The following TTLL5 variants were observed in gnomAD, a reference collection of about 807,000 sequenced individuals.
TTLL5 encodes tubulin tyrosine ligase like 5.
Under a neutral mutation model 168.4 loss-of-function variants are expected in TTLL5, and 132 were observed. The ratio of observed to expected loss-of-function variants is 0.78; its 90% CI spans 0.68 to 0.91. TTLL5 has a LOEUF of 0.91. Among genes scored for constraint, TTLL5 ranks in the 40% least tolerant of loss-of-function variants. The pLI is 0.00. For missense variants in TTLL5, 1,545 were observed against 1,581.5 expected, an observed-to-expected ratio of 0.98 and a Z score of 0.39; for synonymous variants, 546 against 558.6, an observed-to-expected ratio of 0.98 and a Z score of 0.32.
intron 12 of TTLL5, among the ~76,000 whole-genome samples, chr14:75,723,366 A>G (rs1247129091): frequency 6.6e-6 from 1 of 152,108 alleles, no homozygotes; most frequent in African/African-American, 2.4e-5. Context: ...TTCCCAATGG[A>G]TCTGGTTTGG....
chr14:75,732,473 C>A, intron 13 of TTLL5, 54 bp downstream of exon 13: 1 of 1,442,832 alleles, frequency 6.9e-7, no homozygotes, highest in Admixed American at 2.0e-5. Context: ...GTACTTAAAG[C>A]ACTTTTTTTT....
intron 27 of TTLL5, among the ~76,000 whole-genome samples, chr14:75,815,666 T>G (rs933480890): frequency 1.2e-4 from 19 of 152,232 alleles, no homozygotes; most frequent in African/African-American, 4.1e-4. Flanking sequence ...TAATCACTGT[T>G]TTAAGAATTT....
At position 75,882,597 on chromosome 14, in the gene TTLL5, C is replaced by A; in HGVS notation, c.3523-88C>A. On this transcript the variant is annotated intron_variant, in intron 29 of 31. Coordinates refer to ENST00000298832, the MANE Select transcript of TTLL5 (RefSeq NM_015072.5). ...TAACAGTTGTCCTTTTCTTTTTGCC[C>A]CTTGACAGGATTACAGACTAGTTAC... 5 of 1,217,108 alleles carry A rather than the reference C, an allele frequency of 4.1e-6. No individual in the cohort carries two copies. In the South Asian group the frequency reaches 4.7e-5, roughly 11 times the overall value. 75.4% of individuals were successfully genotyped at this position (1,217,108 alleles called of 1,614,324 possible). A position where few individuals can be genotyped will look rare whatever the true frequency, so the allele number is the denominator to read the frequency against.
At chr14:75,731,824 A>G (rs2359865) in intron 12 of TTLL5, among the ~76,000 whole-genome samples, 118,592 of 152,076 alleles carry the variant, frequency 0.78, 46,512 homozygotes, top group Admixed American at 0.81. Context: ...TCTTGACCTA[A>G]GTTGCAAAAG....
intron 31 of TTLL5, among the ~76,000 whole-genome samples, 172 bp from the exon 32 acceptor site, chr14:75,954,252 C>CAAAA (rs56396876): frequency 4.0e-5 from 3 of 74,512 alleles, no homozygotes; most frequent in Non-Finnish European, 7.7e-5. Context: ...GACTCCATCT[C>CAAAA]AAAAAAAAAA....
intron 9 of TTLL5, chr14:75,709,313 G>GT (rs1470799618): frequency 8.7e-6 from 6 of 690,898 alleles, no homozygotes; most frequent in Non-Finnish European, 1.6e-5. Flanking sequence ...TAGAGACTTA[G>GT]TTTTTTTCAC....
At chr14:75,939,259 A>G (rs946703531) in intron 31 of TTLL5, among the ~76,000 whole-genome samples, 2 of 152,344 alleles carry the variant, frequency 1.3e-5, no homozygotes, top group Admixed American at 1.3e-4. Flanking sequence ...GTATTATGGG[A>G]ATTTTATTTA....
chr14:75,735,870 A>G (rs1035629851), intron 15 of TTLL5, among the ~76,000 whole-genome samples: 5 of 151,890 alleles, frequency 3.3e-5, no homozygotes, highest in East Asian at 1.9e-4. Context: ...TGATCCTTCT[A>G]TTTACTCATT....
intron 31 of TTLL5, among the ~76,000 whole-genome samples, chr14:75,935,599 C>A (rs1035197878): frequency 2.0e-5 from 3 of 152,174 alleles, no homozygotes; most frequent in African/African-American, 7.2e-5. Context: ...TTGGATATTT[C>A]TATGGATTAC....
At chr14:75,733,719 C>T (rs963222272) in intron 13 of TTLL5, among the ~76,000 whole-genome samples, 1 of 152,096 alleles carries the variant, frequency 6.6e-6, no homozygotes, top group Non-Finnish European at 1.5e-5. Flanking sequence ...TTGAATTGCA[C>T]AAGACCTTCT....
intron 15 of TTLL5, among the ~76,000 whole-genome samples, chr14:75,744,044 A>C (rs181987325): frequency 3.3e-4 from 50 of 152,322 alleles, no homozygotes; most frequent in African/African-American, 1.2e-3. Flanking sequence ...CATTCAGTCC[A>C]TAACAACGGG....
intron 28 of TTLL5, among the ~76,000 whole-genome samples, chr14:75,836,559 T>A (rs1895879749): frequency 6.6e-6 from 1 of 152,208 alleles, no homozygotes; most frequent in African/African-American, 2.4e-5. Flanking sequence ...GTAATTGGAC[T>A]GTATGTAACA....
intron 30 of TTLL5, among the ~76,000 whole-genome samples, chr14:75,898,292 G>A (rs535089772): frequency 7.2e-5 from 11 of 152,216 alleles, no homozygotes; most frequent in South Asian, 6.2e-4. Context: ...TTCAGTTCCC[G>A]TGGGACTTTC....
intron 17 of TTLL5, among the ~76,000 whole-genome samples, chr14:75,749,471 G>A (rs1889815900): frequency 6.6e-6 from 1 of 152,170 alleles, no homozygotes; most frequent in South Asian, 2.1e-4. Flanking sequence ...ACAAGCAAAT[G>A]CACTTCCTGT....
rs1595333668 is a variant in TTLL5, at chr14:75,954,422, A to G, written c.3824-2A>G. On this transcript the variant is annotated splice_acceptor_variant, in intron 31 of 31. Coordinates refer to ENST00000298832, the MANE Select transcript of TTLL5 (RefSeq NM_015072.5). LOFTEE classifies it high-confidence loss of function. The stretch of plus-strand genomic sequence containing the variant: ...TTTCATGGTTGCCTTTCTCTTTTTC[A>G]GATCCTGCTCACACTAAAATATGAA... 3.7e-6 allele frequency: 6 copies of G among 1,614,014 alleles called. No homozygotes were observed. Among genetic ancestry groups the G allele is most frequent in the Non-Finnish European group, 5.1e-6 (6 of 1,180,006 alleles).
intron 12 of TTLL5, among the ~76,000 whole-genome samples, chr14:75,728,693 G>A (rs199765414): frequency 2.4e-5 from 3 of 123,270 alleles, no homozygotes; most frequent in Non-Finnish European, 5.4e-5. Context: ...CATCATCATC[G>A]TCATATTAAT....
At chr14:75,909,361 G>T (rs2140107024) in intron 31 of TTLL5, among the ~76,000 whole-genome samples, 1 of 148,550 alleles carries the variant, frequency 6.7e-6, no homozygotes, top group South Asian at 2.2e-4. Context: ...ATCTAAACTA[G>T]CCAATCCAGC....
At chr14:75,787,100 T>A (rs540732296) in intron 26 of TTLL5, among the ~76,000 whole-genome samples, 1 of 152,036 alleles carries the variant, frequency 6.6e-6, no homozygotes, top group Non-Finnish European at 1.5e-5. Context: ...ACCACTGCAC[T>A]CCAGCCTGGG....
chr14:75,662,702 C>T (rs903607583), intron 1 of TTLL5, among the ~76,000 whole-genome samples: 1 of 152,038 alleles, frequency 6.6e-6, no homozygotes. Context: ...GTTTGTCTAG[C>T]AAGGAATATA....
Sources: gnomAD v4.1 joint callset for allele counts (sites outside exome capture counted in the v4.1 genomes callset) on GRCh38, gnomAD v4.1.1 for gene constraint, MANE v1.5 for transcripts, NCBI Gene and HGNC (gene_info 2026-07-23, HGNC 2026-07-21) for gene names.